DCDC1: variants seen among roughly 807,000 people sequenced by gnomAD.
DCDC1 encodes the protein doublecortin domain-containing protein 1.
A neutral mutation model predicts 178.3 loss-of-function variants in DCDC1; 200 were observed. The ratio of observed to expected loss-of-function variants is 1.12; its 90% CI spans 1.00 to 1.26. The LOEUF (loss-of-function observed/expected upper bound fraction) is 1.26. Among genes scored for constraint, DCDC1 ranks in the 50% most tolerant of loss-of-function variants. The pLI, the probability that DCDC1 is intolerant of heterozygous loss-of-function variation, is 0.00. For missense variants in DCDC1, 1,983 were observed against 1,749.2 expected, an observed-to-expected ratio of 1.13 and a Z score of -2.38; for synonymous variants, 690 against 604.8, an observed-to-expected ratio of 1.14 and a Z score of -2.07.
At chr11:30,891,563 C>T (rs1041855371) in intron 36 of DCDC1, among the ~76,000 whole-genome samples, 3 of 152,144 alleles carry the variant, frequency 2.0e-5, no homozygotes, top group Non-Finnish European at 2.9e-5. Context: ...CATTTTAACA[C>T]TTAGCATCTA....
chr11:30,931,627 T>C (rs1946925813), intron 22 of DCDC1, 144 bp downstream of exon 22: 1 of 794,142 alleles, frequency 1.3e-6, no homozygotes, highest in African/African-American at 1.8e-5. Flanking sequence ...AGTCCTAGTC[T>C]CTATTTTCAT....
At chr11:31,084,019 T>G (rs994082327) in intron 17 of DCDC1, among the ~76,000 whole-genome samples, 1 of 152,224 alleles carries the variant, frequency 6.6e-6, no homozygotes, top group African/African-American at 2.4e-5. Flanking sequence ...TTAGGTCACC[T>G]GGTAAAGAGA....
At chr11:31,045,435 TA>T (rs899491688) in intron 20 of DCDC1, among the ~76,000 whole-genome samples, 2 of 151,946 alleles carry the variant, frequency 1.3e-5, no homozygotes, top group Non-Finnish European at 2.9e-5. Context: ...CTTATTTTGT[TA>T]CTCTTACAGA....
intron 1 of DCDC1, among the ~76,000 whole-genome samples, chr11:31,343,640 G>A (rs892810186): frequency 3.3e-5 from 5 of 152,012 alleles, no homozygotes; most frequent in Admixed American, 6.6e-5. Flanking sequence ...AAATAAGGGC[G>A]GGGCACAATG....
At chr11:31,085,094 C>G (rs982591919) in intron 17 of DCDC1, among the ~76,000 whole-genome samples, 6 of 151,728 alleles carry the variant, frequency 4.0e-5, no homozygotes, top group African/African-American at 9.7e-5. Flanking sequence ...AAGGCCTTCT[C>G]TCACTGTCTC....
At chr11:31,290,527 T>C (rs1279871311) in intron 7 of DCDC1, 120 bp downstream of exon 7, 10 of 1,112,828 alleles carry the variant, frequency 9.0e-6, no homozygotes, top group African/African-American at 1.6e-5. Context: ...TAGTTCTATA[T>C]AATGTCTTGT....
intron 9 of DCDC1, among the ~76,000 whole-genome samples, chr11:31,199,713 C>G (rs745883012): frequency 6.6e-6 from 1 of 151,998 alleles, no homozygotes; most frequent in Non-Finnish European, 1.5e-5. Context: ...AAATAGAATT[C>G]CTAGTGTACA....
intron 11 of DCDC1, among the ~76,000 whole-genome samples, chr11:31,115,985 G>C (rs556439148): frequency 8.1e-5 from 11 of 135,842 alleles, no homozygotes; most frequent in South Asian, 2.6e-4. Flanking sequence ...TGGCAGTGGG[G>C]GGGGGGGGGA....
intron 10 of DCDC1, among the ~76,000 whole-genome samples, chr11:31,129,036 CTTCT>C (rs1343912674): frequency 6.6e-6 from 1 of 152,070 alleles, no homozygotes; most frequent in Non-Finnish European, 1.5e-5. Context: ...ATCTCATCCA[CTTCT>C]TTGTCAGCTA....
intron 26 of DCDC1, among the ~76,000 whole-genome samples, chr11:30,916,082 AG>A (rs764437029): frequency 7.9e-5 from 12 of 152,304 alleles, no homozygotes; most frequent in Non-Finnish European, 1.5e-4. Context: ...AGAGAAATAA[AG>A]GAATTCTATT....
chr11:31,328,659 T>C (rs566876822), intron 2 of DCDC1, among the ~76,000 whole-genome samples: 61 of 151,780 alleles, frequency 4.0e-4, no homozygotes, highest in Non-Finnish European at 6.5e-4. Context: ...AATAAATAAA[T>C]TAGCCGGGTG....
chr11:31,360,702 T>C (rs755603461), intron 1 of DCDC1, among the ~76,000 whole-genome samples: 1 of 152,154 alleles, frequency 6.6e-6, no homozygotes, highest in Non-Finnish European at 1.5e-5. Flanking sequence ...ACTGTGTTGA[T>C]TAGTGGTATG....
intron 9 of DCDC1, among the ~76,000 whole-genome samples, chr11:31,206,476 T>C (rs1417060126): frequency 6.6e-6 from 1 of 152,000 alleles, no homozygotes; most frequent in Non-Finnish European, 1.5e-5. Context: ...TGCAGTGGAG[T>C]GAACTCCGCT....
intron 38 of DCDC1, among the ~76,000 whole-genome samples, chr11:30,875,077 G>C (rs1254176656): frequency 1.3e-5 from 2 of 152,162 alleles, no homozygotes; most frequent in Non-Finnish European, 2.9e-5. Context: ...AGCCTTGATA[G>C]TAGTTTCATA....
intron 20 of DCDC1, among the ~76,000 whole-genome samples, chr11:30,971,989 T>C (rs1240701544): frequency 1.3e-5 from 2 of 152,060 alleles, no homozygotes; most frequent in African/African-American, 2.4e-5. Flanking sequence ...TGGCACACCA[T>C]AAAGTGATCA....
intron 2 of DCDC1, among the ~76,000 whole-genome samples, chr11:31,329,209 T>C (rs181930304): frequency 1.3e-5 from 2 of 152,154 alleles, no homozygotes; most frequent in South Asian, 2.1e-4. Context: ...CCTTCCCCAT[T>C]GAGATGAAGC....
At chr11:31,316,246 G>C (rs1448199648) in intron 3 of DCDC1, among the ~76,000 whole-genome samples, 8 of 95,020 alleles carry the variant, frequency 8.4e-5, no homozygotes, top group African/African-American at 3.9e-4. Flanking sequence ...TTCCACAATG[G>C]TTGAACTAGT....
chr11:31,180,615 A>T (rs186478357), intron 9 of DCDC1, among the ~76,000 whole-genome samples: 3 of 152,256 alleles, frequency 2.0e-5, no homozygotes, highest in Non-Finnish European at 4.4e-5. Context: ...AACTCCCTCC[A>T]CTAGCCAAGG....
chr11:30,904,719 T>C (rs1565053123), intron 31 of DCDC1: 1 of 516,620 alleles, frequency 1.9e-6, no homozygotes, highest in Non-Finnish European at 3.5e-6. Context: ...TTCTTATAGA[T>C]CTCTGCTCTA....
Sources: allele counts gnomAD v4.1 joint callset (sites outside exome capture counted in the v4.1 genomes callset), GRCh38; gene constraint gnomAD v4.1.1; transcripts MANE v1.5; gene names NCBI Gene and HGNC (gene_info 2026-07-23, HGNC 2026-07-21).